The following COL11A1 variants were observed in gnomAD, a reference collection of about 807,000 sequenced individuals.
COL11A1 encodes collagen type XI alpha 1 chain.
A neutral mutation model predicts 265.2 loss-of-function variants in COL11A1; 74 were observed. That is an observed-to-expected ratio of 0.28 (90% CI 0.23 to 0.34). The LOEUF is 0.34. Among genes scored for constraint, COL11A1 ranks in the 10% least tolerant of loss-of-function variants. The pLI, the probability that COL11A1 is intolerant of heterozygous loss-of-function variation, is 1.00. For missense variants in COL11A1, 2,165 were observed against 2,263.6 expected (o/e 0.96, Z 0.88); for synonymous variants, 816 against 727.6 (o/e 1.12, Z -1.96).
intron 35 of COL11A1, among the ~76,000 whole-genome samples, chr1:102,975,573 C>G (rs1662391351): frequency 6.6e-6 from 1 of 152,028 alleles, no homozygotes; most frequent in Non-Finnish European, 1.5e-5. Context: ...TTATTCATCT[C>G]TCAAATTTAC....
intron 1 of COL11A1, among the ~76,000 whole-genome samples, chr1:103,085,734 C>G (rs1672800027): frequency 6.6e-6 from 1 of 152,060 alleles, no homozygotes; most frequent in Admixed American, 6.5e-5. Context: ...TTTTTTTGCA[C>G]TAGTCCTGCT....
At chr1:103,024,243 C>T (rs1251376915) in intron 7 of COL11A1, among the ~76,000 whole-genome samples, 1 of 152,178 alleles carries the variant, frequency 6.6e-6, no homozygotes, top group East Asian at 1.9e-4. Context: ...CATCCTGCCT[C>T]AGCCTCCTGT....
intron 5 of COL11A1, among the ~76,000 whole-genome samples, chr1:103,027,133 C>CTG (rs1667581573): frequency 6.6e-6 from 1 of 151,074 alleles, no homozygotes; most frequent in African/African-American, 2.4e-5. Context: ...GTATTTTATA[C>CTG]TAATTTCTTC....
rs774097965 is a variant in COL11A1 at position 103,003,212 on chromosome 1, T to C, written c.1998+3A>G. On this transcript the variant is annotated splice_donor_region_variant and intron_variant, in intron 21 of 66. Transcript: ENST00000370096. Reference sequence around the variant, plus strand: ...AATCTTCAATGTTTCCAGCAATACATACAGGCTGCCCTGGAGCTCCTGGAG... The same window carrying C: ...AATCTTCAATGTTTCCAGCAATACACACAGGCTGCCCTGGAGCTCCTGGAG... The C allele has an allele frequency of 3.7e-6, 6 of 1,613,450 alleles. No homozygotes were observed. The South Asian group carries it at 6.6e-5, about 18-fold the overall frequency.
intron 42 of COL11A1, among the ~76,000 whole-genome samples, chr1:102,943,112 A>C (rs1367278293): frequency 6.6e-6 from 1 of 152,038 alleles, no homozygotes; most frequent in East Asian, 1.9e-4. Context: ...TATTATTGAT[A>C]AAGTAGATAA....
intron 32 of COL11A1, 33 bp from the exon 33 acceptor site, chr1:102,979,137 A>T: frequency 6.3e-7 from 1 of 1,597,816 alleles, no homozygotes; most frequent in South Asian, 1.1e-5. Flanking sequence ...AATATGCAGT[A>T]TATCACAGTA....
chr1:102,934,395 C>G (rs1168798897), intron 46 of COL11A1, 54 bp downstream of exon 46: 1 of 1,287,002 alleles, frequency 7.8e-7, no homozygotes, highest in Non-Finnish European at 1.1e-6. Context: ...CACCAGAAAA[C>G]CTGGTGAGAA....
At chr1:103,028,967 C>A (rs36000197) in intron 5 of COL11A1, among the ~76,000 whole-genome samples, 5,603 of 151,982 alleles carry the variant, frequency 0.037, 122 homozygotes, top group Middle Eastern at 0.087. Flanking sequence ...TAGCTTGTCA[C>A]CTATTTAAAT....
At chr1:103,082,629 C>A (rs529491451) in intron 2 of COL11A1, among the ~76,000 whole-genome samples, 176 bp downstream of exon 2, 3 of 152,076 alleles carry the variant, frequency 2.0e-5, no homozygotes, top group African/African-American at 7.2e-5. Flanking sequence ...ACTTTGGTGA[C>A]CACAAGGTAT....
At chr1:103,090,455 T>G (rs1673231848) in intron 1 of COL11A1, among the ~76,000 whole-genome samples, 1 of 152,154 alleles carries the variant, frequency 6.6e-6, no homozygotes, top group Non-Finnish European at 1.5e-5. Flanking sequence ...TCTGCTATAT[T>G]TCAAAATCAT....
chr1:103,086,409 TTTTG>T (rs560314023), intron 1 of COL11A1, among the ~76,000 whole-genome samples: 11 of 151,842 alleles, frequency 7.2e-5, no homozygotes, highest in East Asian at 1.9e-4. Flanking sequence ...AACGTATCTA[TTTTG>T]TTTGTTTGTT....
At chr1:103,040,976 G>A (rs1668766710) in intron 4 of COL11A1, among the ~76,000 whole-genome samples, 1 of 151,512 alleles carries the variant, frequency 6.6e-6, no homozygotes, top group African/African-American at 2.4e-5. Context: ...TTCTTAATCA[G>A]TATTTATTTT....
At chr1:102,952,900 A>C (rs1321096122) in intron 41 of COL11A1, among the ~76,000 whole-genome samples, 5 of 152,212 alleles carry the variant, frequency 3.3e-5, no homozygotes, top group African/African-American at 1.2e-4. Flanking sequence ...TTTTTTAAGC[A>C]AAAATTTAAG....
intron 4 of COL11A1, among the ~76,000 whole-genome samples, chr1:103,059,441 C>T (rs925918520): frequency 6.6e-6 from 1 of 151,970 alleles, no homozygotes; most frequent in Non-Finnish European, 1.5e-5. Flanking sequence ...GTTTCTTTTA[C>T]CCAGTGCATC....
intron 20 of COL11A1, 31 bp from the exon 21 acceptor site, chr1:103,003,299 TA>T (rs370445089): frequency 0.12 from 126,192 of 1,097,030 alleles, 180 homozygotes; most frequent in East Asian, 0.19. Flanking sequence ...ACGCCTTTAT[TA>T]AAAAAAAAAA....
chr1:102,920,796 A>T (rs1164979573), intron 48 of COL11A1, among the ~76,000 whole-genome samples: 1 of 152,058 alleles, frequency 6.6e-6, no homozygotes, highest in Non-Finnish European at 1.5e-5. Context: ...AAATCTAAAA[A>T]CTCTTTTAAT....
chr1:103,004,765 G>T, intron 18 of COL11A1, 104 bp from the exon 19 acceptor site: 1 of 972,848 alleles, frequency 1.0e-6, no homozygotes. Context: ...ATTTGGCAGG[G>T]AAAATATATG....
chr1:102,920,694 A>G (rs1237680069), intron 48 of COL11A1, among the ~76,000 whole-genome samples: 1 of 152,186 alleles, frequency 6.6e-6, no homozygotes, highest in East Asian at 1.9e-4. Context: ...TAGTGAATCA[A>G]AATTATGACA....
chr1:103,104,189 C>T (rs1322178568), intron 1 of COL11A1, among the ~76,000 whole-genome samples: 6 of 151,932 alleles, frequency 3.9e-5, no homozygotes, highest in Non-Finnish European at 8.8e-5. Flanking sequence ...AGACTCTCAA[C>T]CAAACTTGAT....
Sources: allele counts gnomAD v4.1 joint callset (sites outside exome capture counted in the v4.1 genomes callset), GRCh38; gene constraint gnomAD v4.1.1; transcripts MANE v1.5; gene names NCBI Gene and HGNC (gene_info 2026-07-23, HGNC 2026-07-21).